MED13: variants seen among roughly 807,000 people sequenced by gnomAD.
MED13 encodes mediator complex subunit 13.
MED13 carries 23 observed loss-of-function variants against 225.2 expected under a neutral mutation model. The observed-to-expected ratio is 0.10, with a 90% CI of 0.07 to 0.14. The LOEUF (loss-of-function observed/expected upper bound fraction) is 0.14. Among genes scored for constraint, MED13 ranks in the 10% least tolerant of loss-of-function variants. The pLI is 1.00. For missense variants in MED13, 2,197 were observed against 2,594.5 expected, an observed-to-expected ratio of 0.85 and a Z score of 3.33; for synonymous variants, 942 against 889.2, an observed-to-expected ratio of 1.06 and a Z score of -1.06.
At chr17:62,017,715 T>C (rs2080596502) in intron 8 of MED13, among the ~76,000 whole-genome samples, 1 of 152,170 alleles carries the variant, frequency 6.6e-6, no homozygotes, top group African/African-American at 2.4e-5. Context: ...ACATTCAGTT[T>C]GTTGTTTTTT....
rs576429960 is a variant in MED13, at chr17:62,035,584, G to T, written c.495C>A (p.Thr165=). The T allele has an allele frequency of 9.3e-6, 15 of 1,613,356 alleles. No homozygotes were observed. Among genetic ancestry groups the T allele is most frequent in the Non-Finnish European group, 1.3e-5 (15 of 1,179,796 alleles). Residue 165 remains threonine (T), a synonymous_variant, in exon 4 of 30, where the codon ACC becomes ACA. Coordinates refer to ENST00000397786, the MANE Select transcript of MED13 (RefSeq NM_005121.3). ...NKSEHLSCSF[T]FFLHGDSNVC... is the part of the protein sequence containing the mutation. ...CATTGCTGTCTCCATGCAAGAAAAA[G>T]GTGAAGGAGCAGGACAAGTGTTCAC...
chr17:61,992,713 G>A lies in MED13; in HGVS notation c.2182-92C>T. 4.9e-6 allele frequency: 4 copies of A among 823,720 alleles called. No individual in the cohort carries two copies. The Middle Eastern group carries it at 7.6e-4, about 156-fold the overall frequency. The allele number at this position is 823,720 out of a possible 1,614,324, so 51.0% of individuals were successfully genotyped here. A position where few individuals can be genotyped will look rare whatever the true frequency, so the allele number is the denominator to read the frequency against. On this transcript the variant is annotated intron_variant, in intron 10 of 29. Coordinates refer to ENST00000397786, the MANE Select transcript of MED13 (RefSeq NM_005121.3). Reference sequence around the variant, plus strand: ...TGAGGAGCTGTGTGTCAGGCATCCAGCTAAGTGTTTAACATACATTATCAC... The same window carrying A: ...TGAGGAGCTGTGTGTCAGGCATCCAACTAAGTGTTTAACATACATTATCAC...
chr17:61,954,759 AGAGT>A (rs1366902021), intron 26 of MED13, among the ~76,000 whole-genome samples: 4 of 152,186 alleles, frequency 2.6e-5, no homozygotes, highest in African/African-American at 9.7e-5. Flanking sequence ...CTTGGGAGAC[AGAGT>A]GAGTGAGACT....
Position 61,945,845 on chromosome 17 carries a change from C to A in MED13, c.*623G>T, listed in dbSNP as rs2079848044. 6.6e-6 allele frequency: 1 copy of A among 152,352 alleles called. No homozygotes were observed. The highest frequency in any genetic ancestry group is 1.5e-5 in the Non-Finnish European group (1 of 68,010). The allele number at this position is 152,352 out of a possible 1,614,324, so 9.4% of individuals were successfully genotyped here. A position where few individuals can be genotyped will look rare whatever the true frequency, so the allele number is the denominator to read the frequency against. Reference sequence around the variant, plus strand: ...AATACAAATTTACTGTCCCACCCACCCCCTTACAAAAAAATAATACTCTAA... The same window carrying A: ...AATACAAATTTACTGTCCCACCCACACCCTTACAAAAAAATAATACTCTAA... On this transcript the variant is annotated 3_prime_UTR_variant, in exon 30 of 30. Coordinates refer to ENST00000397786, the MANE Select transcript of MED13 (RefSeq NM_005121.3).
rs145973208 is a variant in MED13 at position 61,990,222 on chromosome 17, G to A, written c.2263+2318C>T. 1.5e-3 allele frequency among the ~76,000 whole-genome samples: 235 copies of A among 151,918 alleles called. 1 individual carries two copies. Among genetic ancestry groups the A allele is most frequent in the Non-Finnish European group, 2.8e-3 (189 of 67,956 alleles). On this transcript the variant is annotated intron_variant, in intron 11 of 29. Coordinates refer to ENST00000397786, the MANE Select transcript of MED13 (RefSeq NM_005121.3). ...AGATTTTAAGTATTCTCACCCACAC[G>A]CACAAAAAAGGTATGTAAGGTAATG... is the stretch of plus-strand genomic sequence containing the variant.
At position 62,029,899 on chromosome 17, in the gene MED13, A is replaced by G. The variant is rs906008346; in HGVS notation, c.1124T>C (p.Val375Ala). 6.2e-7 allele frequency: 1 copy of G among 1,613,994 alleles called. No homozygotes were observed. The highest frequency in any genetic ancestry group is 1.1e-5 in the South Asian group (1 of 91,070). ...GCATTCTTGCCAAACTCTATCCACC[A>G]CATGATTTGCTAATTTTCTGGGTAT... Reference protein sequence around the residue: ...GKIPRKLANHVVDRVWQECNM... With the variant: ...GKIPRKLANHAVDRVWQECNM... The change falls in exon 7 of 30, where the codon GTG becomes GCG. Residue 375 changes from valine to alanine, a missense_variant. Around this residue, in one of 12 missense-constraint regions of MED13, gnomAD observed 884 missense variants for 918.5 expected, o/e 0.96. Coordinates refer to ENST00000397786, the MANE Select transcript of MED13 (RefSeq NM_005121.3).
chr17:61,982,822 T>A lies in MED13; in HGVS notation c.3181A>T (p.Thr1061Ser). 1 of 1,614,168 alleles carries A rather than the reference T, an allele frequency of 6.2e-7. No homozygotes were observed. The highest frequency in any genetic ancestry group is 8.5e-7 in the Non-Finnish European group (1 of 1,180,030). ...CRPLNSVEPA[T>S]VPSIPEAHSL... ...TGTGCTTCAGGGATGGAAGGGACAGTTGCAGGTTCAACAGAATTAAGGGGT... is the reference window on the plus strand; with the variant it reads ...TGTGCTTCAGGGATGGAAGGGACAGATGCAGGTTCAACAGAATTAAGGGGT... Residue 1061 changes from threonine to serine, a missense_variant, in exon 16 of 30, where the codon ACT becomes TCT. By Grantham distance (58) the Thr-to-Ser change is moderately conservative (BLOSUM62 1). This residue lies in a region of MED13 where 99 missense variants were observed against 158.5 expected (regional missense o/e 0.62). Transcript: ENST00000397786.
At chr17:62,062,103 A>T (rs2081043357) in intron 2 of MED13, among the ~76,000 whole-genome samples, 1 of 152,236 alleles carries the variant, frequency 6.6e-6, no homozygotes, top group African/African-American at 2.4e-5. Context: ...ATACAATAAC[A>T]AAAACTTCAG....
intron 8 of MED13, chr17:62,029,301 G>T: frequency 2.0e-6 from 1 of 511,508 alleles, no homozygotes. Flanking sequence ...CTTTTATTTA[G>T]CTACTAGGAA....
chr17:62,055,831 AG>A (rs957291741), intron 2 of MED13, among the ~76,000 whole-genome samples: 5 of 152,116 alleles, frequency 3.3e-5, no homozygotes, highest in African/African-American at 9.7e-5. Flanking sequence ...AAAAAAAAAA[AG>A]AATATTGAAT....
chr17:61,965,979 G>C (rs558832062), intron 19 of MED13, among the ~76,000 whole-genome samples: 238 of 151,862 alleles, frequency 1.6e-3, no homozygotes, highest in African/African-American at 5.5e-3. Context: ...GTATTTATAA[G>C]CAATACAGTT....
chr17:62,012,474 C>T (rs972775857), intron 8 of MED13, among the ~76,000 whole-genome samples: 3 of 151,428 alleles, frequency 2.0e-5, no homozygotes, highest in African/African-American at 4.8e-5. Context: ...GGACTACAGG[C>T]ATGTGGCCAC....
intron 9 of MED13, 62 bp from the exon 10 acceptor site, chr17:61,995,427 C>T (rs1285655962): frequency 1.4e-5 from 16 of 1,158,298 alleles, no homozygotes; most frequent in East Asian, 2.5e-5. Context: ...TCCAAAATGA[C>T]GTTAAGTATC....
At chr17:61,985,407 C>T (rs1197082187) in intron 12 of MED13, among the ~76,000 whole-genome samples, 3 of 152,174 alleles carry the variant, frequency 2.0e-5, no homozygotes, top group Non-Finnish European at 2.9e-5. Flanking sequence ...GACATGGTAG[C>T]TCACACCTGT....
Position 61,961,623 on chromosome 17 carries a change from C to T in MED13, c.5221G>A (p.Gly1741Ser). 7 of 1,612,864 alleles carry T rather than the reference C, an allele frequency of 4.3e-6. No homozygotes were observed. Among genetic ancestry groups the T allele is most frequent in the Non-Finnish European group, 5.9e-6 (7 of 1,179,406 alleles). The change falls in exon 22 of 30, where the codon GGT (glycine) becomes AGT (serine). Residue 1741 changes from glycine to serine, a missense_variant. Around this residue, in one of 12 missense-constraint regions of MED13, gnomAD observed 457 missense variants for 442.2 expected, o/e 1.03. Coordinates refer to ENST00000397786, the MANE Select transcript of MED13 (RefSeq NM_005121.3). ...CTAAGGGCAGTTTCCATGGCTAAAC[C>T]TGGACCAAAGCCAGTCAATGTTTTC... ...NVKTLTGFGP[G>S]LAMETALRSP... is the part of the protein sequence containing the mutation.
chr17:62,029,676 T>C, intron 7 of MED13, 25 bp from the exon 8 acceptor site: 1 of 1,588,432 alleles, frequency 6.3e-7, no homozygotes, highest in Non-Finnish European at 8.6e-7. Flanking sequence ...TACAAAATTC[T>C]TTAAAATTCA....
intron 8 of MED13, among the ~76,000 whole-genome samples, chr17:62,020,678 CTGCT>C (rs1209342511): frequency 7.3e-6 from 1 of 137,804 alleles, no homozygotes. Context: ...TGCACCTGGC[CTGCT>C]TTCTTTTTTT....
intron 16 of MED13, among the ~76,000 whole-genome samples, chr17:61,976,894 T>C (rs1603395638): frequency 6.6e-6 from 1 of 152,168 alleles, no homozygotes; most frequent in Admixed American, 6.5e-5. Context: ...ATCGCGCCAC[T>C]GCACTCCAGC....
chr17:61,968,394 C>T (rs1210505441), intron 17 of MED13, 136 bp from the exon 18 acceptor site: 13 of 584,538 alleles, frequency 2.2e-5, no homozygotes, highest in Admixed American at 3.8e-5. Flanking sequence ...GGCGCCATCT[C>T]GGCTCACTGC....
Sources: gnomAD v4.1 joint callset for allele counts (sites outside exome capture counted in the v4.1 genomes callset) on GRCh38, gnomAD v4.1.1 for gene constraint, gnomAD v4.1.1 regional missense constraint, MANE v1.5 for transcripts, NCBI Gene and HGNC (gene_info 2026-07-23, HGNC 2026-07-21) for gene names.